Variants in RIC8A observed in about 807,000 individuals in gnomAD.
RIC8A encodes the protein chaperone Ric-8A.
RIC8A carries 37 observed loss-of-function variants against 48.4 expected under a neutral mutation model. That is an observed-to-expected ratio of 0.77 (90% CI 0.59 to 1.01). The LOEUF (loss-of-function observed/expected upper bound fraction) is 1.01, where lower values mean the gene tolerates loss of function less well. Among genes scored for constraint, RIC8A ranks in the 50% least tolerant of loss-of-function variants. The pLI, the probability that RIC8A is intolerant of heterozygous loss-of-function variation, is 0.00. For missense variants in RIC8A, 681 were observed against 696.8 expected, an observed-to-expected ratio of 0.98 and a Z score of 0.25; for synonymous variants, 288 against 283.4, an observed-to-expected ratio of 1.02 and a Z score of -0.16.
At chr11:213,571 G>A (rs1225970309) in intron 9 of RIC8A, 153 bp downstream of exon 9, 1 of 1,036,836 alleles carries the variant, frequency 9.6e-7, no homozygotes, top group African/African-American at 1.6e-5. Flanking sequence ...TGCCCTGGAG[G>A]AAATCCCCCA....
chr11:210,284 G>T (rs116026023), intron 3 of RIC8A: 2 of 686,596 alleles, frequency 2.9e-6, no homozygotes, highest in African/African-American at 3.5e-5. Flanking sequence ...CTGTGAGTGG[G>T]GCTGAGACAG....
chr11:211,514 A>C lies in RIC8A; in HGVS notation c.969+165A>C. The C allele has an allele frequency of 1.5e-6, 1 of 671,482 alleles. No homozygotes were observed. The highest frequency in any genetic ancestry group is 2.4e-6 in the Non-Finnish European group (1 of 416,068). The allele number at this position is 671,482 out of a possible 1,614,324, so 41.6% of individuals were successfully genotyped here. On this transcript the variant is annotated intron_variant, in intron 5 of 9. Transcript: ENST00000526104. This position sits in a 1 kb window ranked among gnomAD's most constrained non-coding sequence, Gnocchi z 4.0. ...TTGTTCTGTGGTCCAGCCTGGCAAG[A>C]AGCCAGACCCTTCCTCCATGAGAAG...
Position 211,186 on chromosome 11 carries a change from CATCT to C in RIC8A, c.819-12_819-9del, listed in dbSNP as rs767881889. 2.7e-5 allele frequency: 44 copies of C among 1,609,568 alleles called. No homozygotes were observed. In the African/African-American group the frequency reaches 5.3e-4, roughly 20 times the overall value. ...TTAGCCCTGTTGAAACCCCTACCTC[CATCT>C]GTCCCCAGCCACGCAGTGAACCTCC... On this transcript the variant is annotated splice_polypyrimidine_tract_variant and intron_variant, in intron 4 of 9. Coordinates refer to ENST00000526104, the MANE Select transcript of RIC8A (RefSeq NM_001286134.2). The surrounding 1 kb of genome is among the most constrained non-coding windows in gnomAD (Gnocchi z 4.0).
rs1425484034 is a variant in RIC8A, at chr11:212,660, G to A, written c.1111G>A (p.Glu371Lys). 1 of 1,614,108 alleles carries A rather than the reference G, an allele frequency of 6.2e-7. No homozygotes were observed. The highest frequency in any genetic ancestry group is 8.5e-7 in the Non-Finnish European group (1 of 1,180,020). Residue 371 changes from glutamate (E) to lysine (K), a missense_variant, in exon 7 of 10, where the codon GAG (glutamate) becomes AAG (lysine). By Grantham distance (56) the Glu-to-Lys change is moderately conservative (BLOSUM62 1). Coordinates refer to ENST00000526104, the MANE Select transcript of RIC8A (RefSeq NM_001286134.2). ...RDVRTRPEVG[E>K]MLRNKLVRLM... is the part of the protein sequence containing the mutation. The stretch of plus-strand genomic sequence containing the variant: ...TGTGAGGACACGGCCTGAGGTTGGG[G>A]AGATGCTGCGGAACAAGCTTGTCCG...
rs1000121608 is a variant in RIC8A, at chr11:210,790, G to A, written c.818+128G>A. ...CCCTAGAGAGTCTGACGTTGTCTGG[G>A]TGAGTGAGACTGGACATAGCCATGA... On this transcript the variant is annotated intron_variant, in intron 4 of 9. Transcript: ENST00000526104. 2.9e-5 allele frequency: 25 copies of A among 850,824 alleles called. No individual in the cohort carries two copies. The Admixed American group carries it at 3.8e-4, about 13-fold the overall frequency. 52.7% of individuals were successfully genotyped at this position (850,824 alleles called of 1,614,324 possible). A position where few individuals can be genotyped will look rare whatever the true frequency, so the allele number is the denominator to read the frequency against.
Position 209,300 on chromosome 11 carries a change from C to G in RIC8A, c.114C>G (p.Ala38=). The change falls in exon 2 of 10, where the codon GCC becomes GCG. Residue 38 remains alanine (A), a synonymous_variant. Transcript: ENST00000526104. ...EHSQSFTFDD[A]QQEDRKRLAE... ...CCCAGAGCTTCACGTTTGATGATGCCCAACAGGAGGACCGGAAGGTGGGTG... is the reference window on the plus strand; with the variant it reads ...CCCAGAGCTTCACGTTTGATGATGCGCAACAGGAGGACCGGAAGGTGGGTG... The G allele has an allele frequency of 6.2e-7, 1 of 1,613,622 alleles. No individual in the cohort carries two copies. Among genetic ancestry groups the G allele is most frequent in the East Asian group, 2.2e-5 (1 of 44,868 alleles).
At position 215,058 on chromosome 11, in the gene RIC8A, A is replaced by G. The variant is rs1298807421; in HGVS notation, c.*708A>G. The G allele has an allele frequency of 6.4e-6, 1 of 157,362 alleles. No homozygotes were observed. Among genetic ancestry groups the G allele is most frequent in the Non-Finnish European group, 1.4e-5 (1 of 70,742 alleles). 9.7% of individuals were successfully genotyped at this position (157,362 alleles called of 1,614,324 possible). On this transcript the variant is annotated 3_prime_UTR_variant, in exon 10 of 10. Coordinates refer to ENST00000526104, the MANE Select transcript of RIC8A (RefSeq NM_001286134.2). ...CCATAGATTGAGATTTATACCACAT[A>G]CCACACATAGCCACAGAAACATCAT...
At chr11:209,164 G>A in intron 1 of RIC8A, 107 bp from the exon 2 acceptor site, 1 of 1,373,578 alleles carries the variant, frequency 7.3e-7, no homozygotes, top group Non-Finnish European at 1.0e-6. Context: ...CCTGCCATCC[G>A]TTCTGAGCAG....
chr11:211,462 G>C lies in RIC8A; in HGVS notation c.969+113G>C. On this transcript the variant is annotated intron_variant, in intron 5 of 9. Transcript: ENST00000526104. The surrounding 1 kb of genome is among the most constrained non-coding windows in gnomAD (Gnocchi z 4.0). The stretch of plus-strand genomic sequence containing the variant: ...ACACTGGTACGTGGAGATTGTCTTG[G>C]TGGTGTGATATGGGCGACTCTTCCG... 6 of 1,218,930 alleles carry C rather than the reference G, an allele frequency of 4.9e-6. No individual in the cohort carries two copies. The highest frequency in any genetic ancestry group is 6.7e-6 in the Non-Finnish European group (6 of 889,884). 75.5% of individuals were successfully genotyped at this position (1,218,930 alleles called of 1,614,324 possible).
At chr11:210,247 G>A (rs1855318668) in intron 3 of RIC8A, 5 of 661,104 alleles carry the variant, frequency 7.6e-6, no homozygotes, top group Non-Finnish European at 1.4e-5. Flanking sequence ...TGTCTGGGGA[G>A]ACTGTAAGAG....
rs1458580529 is a variant in RIC8A, at chr11:212,452, A to G, written c.1006A>G (p.Ser336Gly). 1 of 1,613,888 alleles carries G rather than the reference A, an allele frequency of 6.2e-7. No individual in the cohort carries two copies. Among genetic ancestry groups the G allele is most frequent in the African/African-American group, 1.3e-5 (1 of 74,944 alleles). ...GAAGGAGAGTGTAGCTCCCGTGCTG[A>G]GCGTGCTGACTGAATGTGCCCGGAT... is the stretch of plus-strand genomic sequence containing the variant. ...RLKESVAPVL[S>G]VLTECARMHR... The change falls in exon 6 of 10, where the codon AGC becomes GGC. Residue 336 changes from serine (S) to glycine (G), a missense_variant. Coordinates refer to ENST00000526104, the MANE Select transcript of RIC8A (RefSeq NM_001286134.2).
At chr11:212,791 C>G in intron 7 of RIC8A, 32 bp downstream of exon 7, 1 of 1,612,148 alleles carries the variant, frequency 6.2e-7, no homozygotes, top group Non-Finnish European at 8.5e-7. Flanking sequence ...CCCAGCCCAC[C>G]CCACCTCAGC....
chr11:210,312 A>G, intron 3 of RIC8A: 1 of 694,518 alleles, frequency 1.4e-6, no homozygotes, highest in Non-Finnish European at 2.6e-6. Flanking sequence ...CTTCATCCCT[A>G]AGGTATGTGT....
At position 209,906 on chromosome 11, in the gene RIC8A, C is replaced by T. The variant is rs1328851397; in HGVS notation, c.632C>T (p.Thr211Met). The change falls in exon 3 of 10, where the codon ACG becomes ATG. Residue 211 changes from threonine (T) to methionine (M), a missense_variant. Physicochemically the swap from Thr to Met is moderately conservative, Grantham distance 81. Coordinates refer to ENST00000526104, the MANE Select transcript of RIC8A (RefSeq NM_001286134.2). ...ACTCCTGAAGGGAACCCCCCACCCA[C>T]GCTCCTTCCTTCCCAAGAGACTGAG... is the stretch of plus-strand genomic sequence containing the variant. The part of the protein sequence containing the change: ...GVTPEGNPPP[T>M]LLPSQETERA... 3.1e-6 allele frequency: 5 copies of T among 1,608,864 alleles called. No individual in the cohort carries two copies. Among genetic ancestry groups the T allele is most frequent in the Non-Finnish European group, 3.4e-6 (4 of 1,179,982 alleles).
In RIC8A at chr11:210,034, A is replaced by C. The variant is rs957347640; in HGVS notation, c.726+34A>C. The C allele has an allele frequency of 2.0e-6, 3 of 1,503,320 alleles. No individual in the cohort carries two copies. In the African/African-American group the frequency reaches 4.1e-5, roughly 21 times the overall value. The allele number at this position is 1,503,320 out of a possible 1,614,324, so 93.1% of individuals were successfully genotyped here. A position where few individuals can be genotyped will look rare whatever the true frequency, so the allele number is the denominator to read the frequency against. ...TGACCTTAACCCATGGATGGGTCTC[A>C]ACTCAGCTCCAACATTTCCTGGACC... On this transcript the variant is annotated intron_variant, in intron 3 of 9. Transcript: ENST00000526104.
intron 8 of RIC8A, 123 bp from the exon 9 acceptor site, chr11:213,176 C>T (rs1855412883): frequency 3.4e-6 from 5 of 1,465,508 alleles, no homozygotes; most frequent in Non-Finnish European, 3.7e-6. Flanking sequence ...TGTGCCGCTT[C>T]TGGAGGGAGG....
chr11:212,942 A>C lies in RIC8A; in HGVS notation c.1316A>C (p.Glu439Ala). The change falls in exon 8 of 10, where the codon GAG becomes GCG. Residue 439 changes from glutamate to alanine, a missense_variant. Transcript: ENST00000526104. ...CCCGAGGGCCAGTACTCAGAGGATG[A>C]GGACACAGACACAGATGAGTACAAG... is the stretch of plus-strand genomic sequence containing the variant. Reference protein sequence around the residue: ...GRPEGQYSEDEDTDTDEYKEA... With the variant: ...GRPEGQYSEDADTDTDEYKEA... 6.3e-7 allele frequency: 1 copy of C among 1,590,294 alleles called. No homozygotes were observed. Among genetic ancestry groups the C allele is most frequent in the Non-Finnish European group, 8.6e-7 (1 of 1,169,076 alleles).
Position 211,157 on chromosome 11 carries a change from G to C in RIC8A, c.819-42G>C. The C allele has an allele frequency of 6.3e-7, 1 of 1,580,086 alleles. No individual in the cohort carries two copies. Among genetic ancestry groups the C allele is most frequent in the South Asian group, 1.2e-5 (1 of 86,644 alleles). On this transcript the variant is annotated intron_variant, in intron 4 of 9. Coordinates refer to ENST00000526104, the MANE Select transcript of RIC8A (RefSeq NM_001286134.2). This position sits in a 1 kb window ranked among gnomAD's most constrained non-coding sequence, Gnocchi z 4.0. ...GTCACAAAGATTGCACCTGTGCTCA[G>C]GGATTAGCCCTGTTGAAACCCCTAC...
In RIC8A at chr11:211,383, T is replaced by A; in HGVS notation, c.969+34T>A. On this transcript the variant is annotated intron_variant, in intron 5 of 9. Transcript: ENST00000526104. The surrounding 1 kb of genome is among the most constrained non-coding windows in gnomAD (Gnocchi z 4.0). ...GGGATGGCTGTGCAGGCTCCCCCAG[T>A]GGCTCTGGCACTGGTTCTCCTGCAC... 1.2e-6 allele frequency: 2 copies of A among 1,602,698 alleles called. No individual in the cohort carries two copies. Among genetic ancestry groups the A allele is most frequent in the East Asian group, 2.2e-5 (1 of 44,778 alleles).
Sources: gnomAD v4.1 joint callset for allele counts on GRCh38, gnomAD v4.1.1 for gene constraint, Gnocchi (gnomAD v3.1) non-coding constraint, MANE v1.5 for transcripts, NCBI Gene and HGNC (gene_info 2026-07-23, HGNC 2026-07-21) for gene names.